The following CNTNAP2 variants were observed in gnomAD, a reference collection of about 807,000 sequenced individuals.
CNTNAP2 encodes contactin associated protein 2.
CNTNAP2 carries 98 observed loss-of-function variants against 155.2 expected under a neutral mutation model. The observed-to-expected ratio is 0.63, with a 90% CI of 0.54 to 0.75. The LOEUF (loss-of-function observed/expected upper bound fraction) is 0.75, where lower values mean the gene tolerates loss of function less well. Among genes scored for constraint, CNTNAP2 ranks in the 30% least tolerant of loss-of-function variants. The probability of loss-of-function intolerance (pLI) is 0.00; values close to 1 mark genes in which losing one functional copy is unlikely to be tolerated. For synonymous variants in CNTNAP2, 651 were observed against 631.2 expected (o/e 1.03, Z -0.47); for missense variants, 1,727 against 1,688.1 (o/e 1.02, Z -0.40).
At chr7:147,131,735 A>G (rs1251989069) in intron 7 of CNTNAP2, among the ~76,000 whole-genome samples, 1 of 152,132 alleles carries the variant, frequency 6.6e-6, no homozygotes, top group East Asian at 1.9e-4. Flanking sequence ...TATAGATAAA[A>G]ATCCAAATAT....
chr7:147,572,733 CAT>C (rs770112640), intron 12 of CNTNAP2, among the ~76,000 whole-genome samples: 25 of 138,392 alleles, frequency 1.8e-4, no homozygotes, highest in Non-Finnish European at 3.0e-4. Flanking sequence ...CACACACACA[CAT>C]GTTGGGAAAT....
chr7:147,175,570 G>A (rs944636994), intron 8 of CNTNAP2, among the ~76,000 whole-genome samples: 5 of 152,128 alleles, frequency 3.3e-5, no homozygotes, highest in African/African-American at 1.2e-4. Context: ...GTGAAAAATA[G>A]TGTTGAAGAA....
intron 13 of CNTNAP2, among the ~76,000 whole-genome samples, chr7:147,728,666 G>A (rs914283297): frequency 6.6e-6 from 1 of 152,000 alleles, no homozygotes; most frequent in Non-Finnish European, 1.5e-5. Flanking sequence ...CAATGTATGC[G>A]ATAATAATAT....
chr7:148,150,594 A>G (rs948267097), intron 17 of CNTNAP2, among the ~76,000 whole-genome samples: 1 of 152,202 alleles, frequency 6.6e-6, no homozygotes, highest in Middle Eastern at 3.4e-3. Context: ...TTCAACAGCT[A>G]TGAATTTCTG....
At chr7:146,422,967 C>G (rs575021027) in intron 1 of CNTNAP2, among the ~76,000 whole-genome samples, 1 of 152,256 alleles carries the variant, frequency 6.6e-6, no homozygotes, top group South Asian at 2.1e-4. Flanking sequence ...GTCTTCAGCT[C>G]TCTGTATTTT....
chr7:147,415,935 A>C (rs2116498129), intron 10 of CNTNAP2, among the ~76,000 whole-genome samples: 1 of 152,334 alleles, frequency 6.6e-6, no homozygotes, highest in African/African-American at 2.4e-5. Context: ...TTGATTCAAT[A>C]GAGCTTTAAA....
intron 12 of CNTNAP2, among the ~76,000 whole-genome samples, chr7:147,632,531 G>A (rs1371046491): frequency 6.6e-6 from 1 of 152,174 alleles, no homozygotes; most frequent in Non-Finnish European, 1.5e-5. Context: ...CACCATGGCT[G>A]TTAAGTTTCC....
intron 3 of CNTNAP2, among the ~76,000 whole-genome samples, chr7:146,955,084 T>C (rs773070726): frequency 2.0e-5 from 3 of 151,992 alleles, no homozygotes; most frequent in Admixed American, 6.6e-5. Flanking sequence ...ATAGTGTAAG[T>C]AATTTTTTGC....
At chr7:147,641,057 A>G (rs1196815726) in intron 13 of CNTNAP2, among the ~76,000 whole-genome samples, 1 of 152,176 alleles carries the variant, frequency 6.6e-6, no homozygotes, top group East Asian at 1.9e-4. Flanking sequence ...CAGGGCAGGA[A>G]TCGCCATGTT....
intron 13 of CNTNAP2, among the ~76,000 whole-genome samples, chr7:147,782,001 C>A (rs1797668419): frequency 6.8e-6 from 1 of 146,696 alleles, no homozygotes; most frequent in Non-Finnish European, 1.5e-5. Flanking sequence ...CCAGCCTGGG[C>A]GACAGAGCAA....
chr7:146,476,951 G>A (rs1014519932), intron 1 of CNTNAP2, among the ~76,000 whole-genome samples: 1 of 152,104 alleles, frequency 6.6e-6, no homozygotes, highest in Non-Finnish European at 1.5e-5. Flanking sequence ...ATAAAATTAT[G>A]GATACTATCT....
chr7:148,054,799 G>C (rs1351831790), intron 15 of CNTNAP2, among the ~76,000 whole-genome samples: 1 of 151,714 alleles, frequency 6.6e-6, no homozygotes, highest in Admixed American at 6.6e-5. Flanking sequence ...GCGTGGTTTT[G>C]AGCCATGTAG....
intron 8 of CNTNAP2, among the ~76,000 whole-genome samples, chr7:147,189,000 T>A (rs993994928): frequency 6.6e-6 from 1 of 152,284 alleles, no homozygotes; most frequent in Non-Finnish European, 1.5e-5. Flanking sequence ...TTTCTGTAAA[T>A]CCTCAGGTGA....
At chr7:147,046,799 G>A (rs902641635) in intron 4 of CNTNAP2, among the ~76,000 whole-genome samples, 3 of 152,030 alleles carry the variant, frequency 2.0e-5, no homozygotes, top group Non-Finnish European at 2.9e-5. Context: ...GGAGGCCAAG[G>A]AGGGCGGATC....
intron 1 of CNTNAP2, among the ~76,000 whole-genome samples, chr7:146,193,728 C>G (rs138993096): frequency 6.6e-6 from 1 of 152,318 alleles, no homozygotes; most frequent in South Asian, 2.1e-4. Context: ...ACTTTTGGCT[C>G]CTTGTTACTT....
At chr7:146,240,270 A>T (rs1799538812) in intron 1 of CNTNAP2, among the ~76,000 whole-genome samples, 1 of 152,146 alleles carries the variant, frequency 6.6e-6, no homozygotes, top group Non-Finnish European at 1.5e-5. Flanking sequence ...TTTTATCTAC[A>T]TATTATTTCC....
intron 1 of CNTNAP2, among the ~76,000 whole-genome samples, chr7:146,196,378 T>C (rs573469507): frequency 4.0e-4 from 61 of 152,266 alleles, no homozygotes; most frequent in African/African-American, 1.5e-3. Context: ...GGCATATGTA[T>C]ACCAATAACT....
intron 9 of CNTNAP2, among the ~76,000 whole-genome samples, chr7:147,329,728 A>AT (rs397740975): frequency 0.17 from 25,420 of 151,060 alleles, 2,439 homozygotes; most frequent in South Asian, 0.36. Context: ...GTATATCTCA[A>AT]TTTTTTTTTT....
chr7:148,401,946 A>T (rs2116700506), intron 22 of CNTNAP2, among the ~76,000 whole-genome samples: 1 of 152,280 alleles, frequency 6.6e-6, no homozygotes, highest in African/African-American at 2.4e-5. Context: ...AATCAGACAA[A>T]AGAGTACAAT....
Sources: allele counts gnomAD v4.1 joint callset (sites outside exome capture counted in the v4.1 genomes callset), GRCh38; gene constraint gnomAD v4.1.1; transcripts MANE v1.5; gene names NCBI Gene and HGNC (gene_info 2026-07-23, HGNC 2026-07-21).